The following TBCK variants were observed in gnomAD, a reference collection of about 807,000 sequenced individuals.
TBCK encodes TBC domain-containing protein kinase-like protein.
In TBCK, 99 loss-of-function variants were observed where a neutral mutation model predicts 113.4. The ratio of observed to expected loss-of-function variants is 0.87; its 90% CI spans 0.74 to 1.03. The LOEUF is 1.03. TBCK is among the 50% of genes least tolerant of loss of function. The probability of loss-of-function intolerance (pLI) is 0.00; values close to 1 mark genes in which losing one functional copy is unlikely to be tolerated. For synonymous variants in TBCK, 369 were observed against 370.8 expected (o/e 1.00, Z 0.05); for missense variants, 1,045 against 1,061.3 (o/e 0.98, Z 0.21).
chr4:106,273,732 AC>A (rs972143178), intron 3 of TBCK, among the ~76,000 whole-genome samples: 1 of 152,262 alleles, frequency 6.6e-6, no homozygotes, highest in Non-Finnish European at 1.5e-5. Context: ...AGGAATGCCA[AC>A]AGGCACCAGA....
chr4:106,174,305 A>G (rs1171517747), intron 22 of TBCK, among the ~76,000 whole-genome samples: 1 of 152,130 alleles, frequency 6.6e-6, no homozygotes, highest in Non-Finnish European at 1.5e-5. Flanking sequence ...CAGCAGCTAC[A>G]AAGAAAGAGT....
At chr4:106,168,847 G>GA (rs145716211) in intron 23 of TBCK, among the ~76,000 whole-genome samples, 2 of 151,448 alleles carry the variant, frequency 1.3e-5, no homozygotes, top group South Asian at 2.1e-4. Flanking sequence ...CTAGATAAAT[G>GA]AAAAAATATT....
At chr4:106,131,916 GA>G (rs2149623111) in intron 23 of TBCK, among the ~76,000 whole-genome samples, 1 of 152,252 alleles carries the variant, frequency 6.6e-6, no homozygotes, top group African/African-American at 2.4e-5. Context: ...TATGAAAAGA[GA>G]CTGGCAGCAT....
chr4:106,133,228 G>T (rs992835152), intron 23 of TBCK, among the ~76,000 whole-genome samples: 5 of 152,100 alleles, frequency 3.3e-5, no homozygotes, highest in African/African-American at 1.2e-4. Context: ...AATCATGGGG[G>T]TCCTTTCCCC....
Position 106,131,677 on chromosome 4 carries a change from T to G in TBCK, c.2236-15299A>C, listed in dbSNP as rs1745950230. Among the ~76,000 whole-genome samples the G allele has an allele frequency of 2.0e-5, 3 of 152,138 alleles. No homozygotes were observed. The South Asian group carries it at 6.2e-4, about 32-fold the overall frequency. On this transcript the variant is annotated intron_variant, in intron 23 of 25. Transcript: ENST00000394708. Reference sequence around the variant, plus strand: ...GTAGAGTGTGGTGCTGCTGTAAAGATGCCCAAAAATGTGGAAGCAAGTTTG... The same window carrying G: ...GTAGAGTGTGGTGCTGCTGTAAAGAGGCCCAAAAATGTGGAAGCAAGTTTG...
At chr4:106,314,506 C>A (rs1166965048) in intron 1 of TBCK, among the ~76,000 whole-genome samples, 1 of 151,630 alleles carries the variant, frequency 6.6e-6, no homozygotes, top group South Asian at 2.1e-4. Flanking sequence ...AACCTACAGA[C>A]CTAAAATTAG....
Position 106,116,380 on chromosome 4 carries a change from T to TA in TBCK, c.2236-3_2236-2insT. The TA allele has an allele frequency of 1.9e-6, 3 of 1,583,730 alleles. No individual in the cohort carries two copies. Among genetic ancestry groups the TA allele is most frequent in the Admixed American group, 1.9e-5 (1 of 53,484 alleles). On this transcript the variant is annotated splice_polypyrimidine_tract_variant and splice_region_variant and intron_variant, in intron 23 of 25. Coordinates refer to ENST00000394708, the MANE Select transcript of TBCK (RefSeq NM_001163435.3). ...ATTTAATGGGATGGATTCTCTTGAC[T>TA]GAAAAAAAAAATGTACAAAAAAAAA...
chr4:106,116,265 G>A lies in TBCK; in HGVS notation c.2349C>T (p.Pro783=). 6.2e-7 allele frequency: 1 copy of A among 1,614,028 alleles called. No individual in the cohort carries two copies. Among genetic ancestry groups the A allele is most frequent in the Non-Finnish European group, 8.5e-7 (1 of 1,180,002 alleles). Reference sequence around the variant, plus strand: ...GTTTACTGGACTTTGTTTTCTTGCTGGGTGTTTTGAAGTGGCCTGTCACTG... The same window carrying A: ...GTTTACTGGACTTTGTTTTCTTGCTAGGTGTTTTGAAGTGGCCTGTCACTG... ...ELTVTGHFKT[P]SKKTKSSKPK... Residue 783 remains proline, a synonymous_variant, in exon 24 of 26, where the codon CCC becomes CCT. Transcript: ENST00000394708.
intron 25 of TBCK, among the ~76,000 whole-genome samples, chr4:106,064,264 C>T (rs771968539): frequency 5.9e-5 from 9 of 151,868 alleles, no homozygotes; most frequent in Non-Finnish European, 1.2e-4. Flanking sequence ...ACATTTTAAA[C>T]TTAATTATTA....
chr4:106,273,150 A>G (rs1192002745), intron 3 of TBCK, among the ~76,000 whole-genome samples: 1 of 152,236 alleles, frequency 6.6e-6, no homozygotes, highest in Admixed American at 6.5e-5. Flanking sequence ...TGAAAATTCA[A>G]CCCTTGGCTT....
At chr4:106,061,244 G>C (rs1391465570) in intron 25 of TBCK, among the ~76,000 whole-genome samples, 3 of 151,850 alleles carry the variant, frequency 2.0e-5, no homozygotes, top group Admixed American at 6.6e-5. Context: ...AATCTTTCAT[G>C]AAGAGTCAAT....
In TBCK at chr4:106,042,287, C is replaced by T. The variant is rs759466648; in HGVS notation, c.*4283G>A. ...CTGATAGAATGAAATATCTGCCAAC[C>T]CTTTCTATATAGTCAAGGCAGCAGT... On this transcript the variant is annotated 3_prime_UTR_variant, in exon 26 of 26. Transcript: ENST00000394708. 4 of 152,136 alleles carry T rather than the reference C, an allele frequency of 2.6e-5. No individual in the cohort carries two copies. Among genetic ancestry groups the T allele is most frequent in the Admixed American group, 6.5e-5 (1 of 15,272 alleles). The allele number at this position is 152,136 out of a possible 1,614,324, so 9.4% of individuals were successfully genotyped here.
At chr4:106,246,088 A>C (rs1760783533) in intron 10 of TBCK, among the ~76,000 whole-genome samples, 1 of 152,226 alleles carries the variant, frequency 6.6e-6, no homozygotes, top group African/African-American at 2.4e-5. Context: ...ATCTCAAGGC[A>C]ACGGCTGGCT....
Position 106,046,411 on chromosome 4 carries a change from A to C in TBCK, c.*159T>G. Reference sequence around the variant, plus strand: ...TCAAGTTTCTTGCATGGATAACTGAACATGTGGGTTATGAGATTTTAAAAA... The same window carrying C: ...TCAAGTTTCTTGCATGGATAACTGACCATGTGGGTTATGAGATTTTAAAAA... On this transcript the variant is annotated 3_prime_UTR_variant, in exon 26 of 26. Coordinates refer to ENST00000394708, the MANE Select transcript of TBCK (RefSeq NM_001163435.3). The C allele has an allele frequency of 1.9e-6, 1 of 519,684 alleles. No individual in the cohort carries two copies. 32.2% of individuals were successfully genotyped at this position (519,684 alleles called of 1,614,324 possible).
chr4:106,142,796 T>C (rs1437870605), intron 23 of TBCK, among the ~76,000 whole-genome samples: 1 of 152,168 alleles, frequency 6.6e-6, no homozygotes, highest in Non-Finnish European at 1.5e-5. Context: ...GAAGAAAATA[T>C]ATTCTATAGA....
intron 22 of TBCK, among the ~76,000 whole-genome samples, chr4:106,180,921 G>T (rs1250329520): frequency 6.6e-6 from 1 of 152,112 alleles, no homozygotes; most frequent in Non-Finnish European, 1.5e-5. Flanking sequence ...TGGGTCAAAT[G>T]GTATTTCTAG....
intron 25 of TBCK, among the ~76,000 whole-genome samples, chr4:106,079,873 G>A (rs1207801374): frequency 7.2e-5 from 11 of 152,220 alleles, no homozygotes; most frequent in Middle Eastern, 3.4e-3. Context: ...CAGGCGCATC[G>A]TACATGGCTG....
chr4:106,314,733 CT>C (rs1018580795), intron 1 of TBCK, among the ~76,000 whole-genome samples: 24 of 143,650 alleles, frequency 1.7e-4, no homozygotes, highest in African/African-American at 5.2e-4. Flanking sequence ...TCAAGCGATT[CT>C]GTGCCTCAGC....
At chr4:106,213,430 T>G (rs1579260448) in intron 19 of TBCK, 1 of 158,542 alleles carries the variant, frequency 6.3e-6, no homozygotes, top group South Asian at 2.0e-4. Context: ...AGAAGACAGG[T>G]GATTTCTGCA....
Sources: gnomAD v4.1 joint callset for allele counts (sites outside exome capture counted in the v4.1 genomes callset) on GRCh38, gnomAD v4.1.1 for gene constraint, MANE v1.5 for transcripts, NCBI Gene and HGNC (gene_info 2026-07-23, HGNC 2026-07-21) for gene names.